The following CRLF2 variants were observed in gnomAD, a reference collection of about 807,000 sequenced individuals.
CRLF2 encodes the protein cytokine receptor-like factor 2.
Under a neutral mutation model 38.7 loss-of-function variants are expected in CRLF2, and 41 were observed. The ratio of observed to expected loss-of-function variants is 1.06; its 90% CI spans 0.83 to 1.37. The LOEUF is 1.37. CRLF2 is among the 40% of genes most tolerant of loss of function. The pLI, the probability that CRLF2 is intolerant of heterozygous loss-of-function variation, is 0.00. For synonymous variants in CRLF2, 140 were observed against 128.8 expected (o/e 1.09, Z -0.59); for missense variants, 377 against 322.2 (o/e 1.17, Z -1.30).
chrX:1,191,509 C>G (rs1390980787), intron 7 of CRLF2, among the ~76,000 whole-genome samples: 3 of 151,132 alleles, frequency 2.0e-5, no homozygotes, highest in Non-Finnish European at 4.4e-5. Flanking sequence ...AGCTCTGACA[C>G]CAATACCCTT....
chrX:1,195,908 T>C lies in CRLF2; in HGVS notation c.767+872A>G, dbSNP rs1393563524. ...ATATAGATTAAATTAAATATGTATT[T>C]ATATATTTTTATATAGATTACATTA... On this transcript the variant is annotated intron_variant, in intron 6 of 7. Transcript: ENST00000400841. Among the ~76,000 whole-genome samples, 4 of 141,600 alleles carry C rather than the reference T, an allele frequency of 2.8e-5. No homozygotes were observed. In the East Asian group the frequency reaches 5.9e-4, roughly 21 times the overall value. The allele number at this position is 141,600 out of a possible 152,430, so 92.9% of individuals were successfully genotyped here. A position where few individuals can be genotyped will look rare whatever the true frequency, so the allele number is the denominator to read the frequency against.
chrX:1,192,153 C>G (rs1275917334), intron 7 of CRLF2, among the ~76,000 whole-genome samples: 10 of 133,374 alleles, frequency 7.5e-5, no homozygotes, highest in Admixed American at 6.5e-4. Context: ...TGCAGTGAGC[C>G]GAGATCCCGC....
intron 6 of CRLF2, among the ~76,000 whole-genome samples, chrX:1,195,974 TTATA>T (rs1431481024): frequency 7.1e-6 from 1 of 139,950 alleles, no homozygotes; most frequent in Non-Finnish European, 1.5e-5. Flanking sequence ...TAAATATATA[TTATA>T]TATATTTTTA....
At chrX:1,208,510 G>C (rs2086731064) in intron 2 of CRLF2, among the ~76,000 whole-genome samples, 2 of 152,134 alleles carry the variant, frequency 1.3e-5, no homozygotes, top group African/African-American at 4.8e-5. Flanking sequence ...AGTGAGCCGA[G>C]ATTGCGCCAC....
At chrX:1,193,345 C>G (rs1309569975) in intron 6 of CRLF2, 43 bp from the exon 7 acceptor site, 4 of 398,532 alleles carry the variant, frequency 1.0e-5, no homozygotes, top group Non-Finnish European at 1.8e-5. Context: ...GCCACAGCCC[C>G]GCAGGAAGGG....
At chrX:1,192,212 A>AAAAC (rs2086396416) in intron 7 of CRLF2, among the ~76,000 whole-genome samples, 2 of 137,590 alleles carry the variant, frequency 1.5e-5, no homozygotes, top group African/African-American at 2.6e-5. Context: ...CTCAAAAAAA[A>AAAAC]AAAAAAAACA....
At chrX:1,196,656 T>C in intron 6 of CRLF2, 124 bp downstream of exon 6, 1 of 1,211,676 alleles carries the variant, frequency 8.3e-7, no homozygotes, top group Non-Finnish European at 1.1e-6. Context: ...ATCAGAAGAG[T>C]GGGCATTGTA....
chrX:1,211,355 G>GCGT (rs1200975536), intron 1 of CRLF2, among the ~76,000 whole-genome samples: 44 of 143,212 alleles, frequency 3.1e-4, no homozygotes, highest in Non-Finnish European at 4.3e-4. Flanking sequence ...ATGGGTGGAT[G>GCGT]GGTGGATGGA....
intron 2 of CRLF2, 85 bp downstream of exon 2, chrX:1,208,721 T>A: frequency 2.4e-6 from 2 of 838,004 alleles, no homozygotes; most frequent in South Asian, 1.3e-5. Context: ...ACACTTTTGT[T>A]CTCAAGCATT....
chrX:1,212,434 A>AAAG (rs2086821067), intron 1 of CRLF2, 122 bp downstream of exon 1: 5 of 625,186 alleles, frequency 8.0e-6, no homozygotes, highest in African/African-American at 3.8e-5. Context: ...AAAAAAAAAA[A>AAAG]AAAAGAAAAG....
chrX:1,196,963 C>A lies in CRLF2; in HGVS notation c.647-63G>T, dbSNP rs184934954. On this transcript the variant is annotated intron_variant, in intron 5 of 7. Coordinates refer to ENST00000400841, the MANE Select transcript of CRLF2 (RefSeq NM_022148.4). ...ATGACGTGCGGCTGTACGTTTTCAA[C>A]GTGATGTTACATCTCATCCCTAACC... 9.7e-4 allele frequency: 1,452 copies of A among 1,493,428 alleles called. 9 individuals carry two copies. The highest frequency in any genetic ancestry group is 9.6e-4 in the Non-Finnish European group (1,045 of 1,090,272). The allele number at this position is 1,493,428 out of a possible 1,614,324, so 92.5% of individuals were successfully genotyped here.
At chrX:1,207,036 C>G (rs1249701654) in intron 2 of CRLF2, among the ~76,000 whole-genome samples, 1 of 150,640 alleles carries the variant, frequency 6.6e-6, no homozygotes, top group African/African-American at 2.4e-5. Context: ...ATCTCTGCCT[C>G]CCGGGTTCAA....
At chrX:1,193,559 C>T (rs1437923474) in intron 6 of CRLF2, among the ~76,000 whole-genome samples, 58 of 151,970 alleles carry the variant, frequency 3.8e-4, no homozygotes, top group African/African-American at 9.4e-4. Context: ...GGATGGATCA[C>T]CTGAGGTCAG....
At position 1,191,346 on chromosome X, in the gene CRLF2, C is replaced by CTTTCT. The variant is rs1491422134; in HGVS notation, c.853-187_853-186insAGAAA. 3.3e-3 allele frequency among the ~76,000 whole-genome samples: 148 copies of CTTTCT among 44,686 alleles called. 3 individuals carry two copies. Among genetic ancestry groups the CTTTCT allele is most frequent in the African/African-American group, 0.011 (125 of 10,870 alleles). 29.3% of individuals were successfully genotyped at this position (44,686 alleles called of 152,430 possible). A position where few individuals can be genotyped will look rare whatever the true frequency, so the allele number is the denominator to read the frequency against. Reference sequence around the variant, plus strand: ...CTTTCTTTCTTTCTTTCTTTCTTTCCTTCTTTCTTTCTTTCCTTTCTTTCT... The same window carrying CTTTCT: ...CTTTCTTTCTTTCTTTCTTTCTTTCCTTTCTTTCTTTCTTTCTTTCCTTTCTTTCT... On this transcript the variant is annotated intron_variant, in intron 7 of 7. Transcript: ENST00000400841.
At chrX:1,203,302 G>A (rs2086641275) in intron 3 of CRLF2, among the ~76,000 whole-genome samples, 1 of 151,738 alleles carries the variant, frequency 6.6e-6, no homozygotes, top group Admixed American at 6.6e-5. Flanking sequence ...GAGTGATGGG[G>A]CCACAAGCCC....
intron 1 of CRLF2, among the ~76,000 whole-genome samples, chrX:1,210,111 A>AAAAGAAAAG (rs1556425589): frequency 1.0e-4 from 11 of 107,852 alleles, no homozygotes; most frequent in East Asian, 4.7e-4. Context: ...ATCAAAAAAA[A>AAAAGAAAAG]AAAAGAAAAG....
chrX:1,204,247 A>T (rs1341318501), intron 3 of CRLF2, among the ~76,000 whole-genome samples: 1 of 150,202 alleles, frequency 6.7e-6, no homozygotes, highest in Non-Finnish European at 1.5e-5. Context: ...TATTTATTTG[A>T]GATGGAGTTT....
chrX:1,198,011 G>C (rs1270773387), intron 5 of CRLF2, among the ~76,000 whole-genome samples: 1 of 151,808 alleles, frequency 6.6e-6, no homozygotes, highest in Admixed American at 6.6e-5. Context: ...AAAAACAAAA[G>C]AAAGAAAACT....
intron 6 of CRLF2, among the ~76,000 whole-genome samples, chrX:1,194,522 C>T (rs1177790581): frequency 6.6e-6 from 1 of 152,058 alleles, no homozygotes; most frequent in East Asian, 1.9e-4. Context: ...GTCCTGTGCA[C>T]ACAGCAGATT....
Sources: gnomAD v4.1 joint callset for allele counts (sites outside exome capture counted in the v4.1 genomes callset) on GRCh38, gnomAD v4.1.1 for gene constraint, MANE v1.5 for transcripts, NCBI Gene and HGNC (gene_info 2026-07-23, HGNC 2026-07-21) for gene names.